Variants in COL5A1 observed in about 807,000 individuals in gnomAD.
COL5A1 encodes collagen type V alpha 1 chain, also known as collagen alpha-1(V) chain.
A neutral mutation model predicts 263.7 loss-of-function variants in COL5A1; 16 were observed. The observed-to-expected ratio is 0.06, with a 90% CI of 0.04 to 0.09. The LOEUF (loss-of-function observed/expected upper bound fraction) is 0.09, where lower values mean the gene tolerates loss of function less well. Ranked by LOEUF, COL5A1 falls within the 10% of genes least tolerant of loss-of-function variation. The pLI is 1.00. For synonymous variants in COL5A1, 1,012 were observed against 1,004.5 expected (o/e 1.01, Z -0.14); for missense variants, 2,036 against 2,540.5 (o/e 0.80, Z 4.27).
At chr9:134,679,203 A>C (rs542918554) in intron 1 of COL5A1, among the ~76,000 whole-genome samples, 1 of 151,622 alleles carries the variant, frequency 6.6e-6, no homozygotes, top group African/African-American at 2.4e-5. Flanking sequence ...GCCCTAACCT[A>C]CCACCCCGCA....
Position 134,744,483 on chromosome 9 carries a change from GCA to G in COL5A1, c.1494+5678_1494+5679del, listed in dbSNP as rs574465689. 2.5e-3 allele frequency among the ~76,000 whole-genome samples: 380 copies of G among 150,844 alleles called. 1 individual carries two copies. Among genetic ancestry groups the G allele is most frequent in the Middle Eastern group, 6.9e-3 (2 of 288 alleles). ...CTCACCTATACATACACGTATGCAT[GCA>G]CAGTCACCCACACCTGCACACACTC... On this transcript the variant is annotated intron_variant, in intron 11 of 65. Coordinates refer to ENST00000371817, the MANE Select transcript of COL5A1 (RefSeq NM_000093.5).
At chr9:134,813,239 G>A (rs1007958331) in intron 48 of COL5A1, among the ~76,000 whole-genome samples, 8 of 151,890 alleles carry the variant, frequency 5.3e-5, no homozygotes, top group Admixed American at 2.0e-4. Flanking sequence ...TGTGCACATC[G>A]GTGCATGTGT....
intron 44 of COL5A1, 155 bp downstream of exon 44, chr9:134,810,463 G>T (rs34469754): frequency 1.5e-6 from 1 of 680,892 alleles, no homozygotes; most frequent in East Asian, 2.7e-5. Context: ...TTCCCACAAC[G>T]TGTGTGTGTG....
intron 18 of COL5A1, among the ~76,000 whole-genome samples, chr9:134,760,841 C>T (rs1048590198): frequency 2.0e-5 from 3 of 148,816 alleles, no homozygotes; most frequent in Admixed American, 6.7e-5. Flanking sequence ...TGCACACATG[C>T]ATACACACAT....
At chr9:134,736,527 C>T (rs568071462) in intron 9 of COL5A1, among the ~76,000 whole-genome samples, 42 of 152,366 alleles carry the variant, frequency 2.8e-4, no homozygotes, top group East Asian at 1.7e-3. Flanking sequence ...CCTCTCAACA[C>T]GGTTGCATTG....
At chr9:134,816,320 C>T (rs1838743136) in intron 52 of COL5A1, among the ~76,000 whole-genome samples, 1 of 152,196 alleles carries the variant, frequency 6.6e-6, no homozygotes, top group Non-Finnish European at 1.5e-5. Flanking sequence ...AGGGCCAGTG[C>T]CTCTCCTCAC....
Position 134,827,858 on chromosome 9 carries a change from C to T in COL5A1, c.5067+1954C>T, listed in dbSNP as rs189457054. Among the ~76,000 whole-genome samples, 367 of 152,380 alleles carry T rather than the reference C, an allele frequency of 2.4e-3. 2 individuals carry two copies. Among genetic ancestry groups the T allele is most frequent in the African/African-American group, 8.3e-3 (347 of 41,594 alleles). The stretch of plus-strand genomic sequence containing the variant: ...CTCTTCCAGGAAGAAGCTGCCTTCA[C>T]GCCGCCTGGGCTTGGCATTGACAGT... On this transcript the variant is annotated intron_variant, in intron 63 of 65. Transcript: ENST00000371817.
At chr9:134,784,344 CAA>C (rs1837369883) in intron 29 of COL5A1, among the ~76,000 whole-genome samples, 1 of 152,242 alleles carries the variant, frequency 6.6e-6, no homozygotes, top group Non-Finnish European at 1.5e-5. Flanking sequence ...CATTGCTGGA[CAA>C]AGAGTGCCGG....
intron 1 of COL5A1, among the ~76,000 whole-genome samples, chr9:134,687,854 C>T (rs1047168860): frequency 6.6e-6 from 1 of 152,180 alleles, no homozygotes; most frequent in East Asian, 1.9e-4. Flanking sequence ...GCGGTGGCCA[C>T]TGTTGATTCT....
At chr9:134,683,114 C>G (rs949750023) in intron 1 of COL5A1, among the ~76,000 whole-genome samples, 9 of 152,210 alleles carry the variant, frequency 5.9e-5, no homozygotes, top group African/African-American at 2.2e-4. Context: ...GAGACGGTGA[C>G]AGCAGAGTGG....
At chr9:134,651,812 A>G (rs756609444) in intron 1 of COL5A1, among the ~76,000 whole-genome samples, 58 of 152,336 alleles carry the variant, frequency 3.8e-4, no homozygotes, top group Non-Finnish European at 7.2e-4. Context: ...TGTGTCCATC[A>G]GGGACATTCC....
intron 11 of COL5A1, among the ~76,000 whole-genome samples, chr9:134,745,704 C>A (rs1452934294): frequency 6.6e-6 from 1 of 152,158 alleles, no homozygotes; most frequent in Non-Finnish European, 1.5e-5. Flanking sequence ...GGGTTCATTT[C>A]TTTGGGATCC....
At chr9:134,693,351 C>T (rs1379577317) in intron 2 of COL5A1, among the ~76,000 whole-genome samples, 1 of 152,130 alleles carries the variant, frequency 6.6e-6, no homozygotes, top group Non-Finnish European at 1.5e-5. Flanking sequence ...ACAAAAAAAC[C>T]AACACATAAT....
In COL5A1 at chr9:134,818,887, C is replaced by G. The variant is rs773125713; in HGVS notation, c.4378C>G (p.Pro1460Ala). The G allele has an allele frequency of 6.2e-7, 1 of 1,611,766 alleles. No individual in the cohort carries two copies. Among genetic ancestry groups the G allele is most frequent in the Non-Finnish European group, 8.5e-7 (1 of 1,178,746 alleles). The change falls in exon 56 of 66, where the codon CCC becomes GCC. Residue 1460 changes from proline (P) to alanine (A), a missense_variant. By Grantham distance (27) the Pro-to-Ala change is conservative (BLOSUM62 -1). Around this residue, in one of 3 missense-constraint regions of COL5A1, gnomAD observed 1,078 missense variants for 1,521.4 expected, o/e 0.71. Coordinates refer to ENST00000371817, the MANE Select transcript of COL5A1 (RefSeq NM_000093.5). The surrounding 1 kb of genome is among the most constrained non-coding windows in gnomAD (Gnocchi z 6.0). ...GLPGSPGPDG[P>A]PGPMGPPGLP... is the part of the protein sequence containing the mutation. ...CCCAGGATCCCCAGGCCCGGACGGT[C>G]CCCCCGGCCCCATGGTGAGTCACAT...
chr9:134,789,346 C>G lies in COL5A1; in HGVS notation c.2700+138C>G, dbSNP rs1837590392. 1.3e-6 allele frequency: 1 copy of G among 742,198 alleles called. No homozygotes were observed. The highest frequency in any genetic ancestry group is 1.6e-5 in the South Asian group (1 of 63,954). The allele number at this position is 742,198 out of a possible 1,614,324, so 46.0% of individuals were successfully genotyped here. ...GCTCTCCTGAATGGCTGGCCTTAAGCTCTTGAACTTCAGCACCACGTGTTG... is the reference window on the plus strand; with the variant it reads ...GCTCTCCTGAATGGCTGGCCTTAAGGTCTTGAACTTCAGCACCACGTGTTG... On this transcript the variant is annotated intron_variant, in intron 32 of 65. Transcript: ENST00000371817. This position sits in a 1 kb window ranked among gnomAD's most constrained non-coding sequence, Gnocchi z 4.8.
chr9:134,745,016 C>T lies in COL5A1; in HGVS notation c.1495-5526C>T, dbSNP rs189555719. ...AGGCTGGTCTGCAGGCTTGTGTGCCCGAATCCCCAGCAGCCTGGTCGTGAA... is the reference window on the plus strand; with the variant it reads ...AGGCTGGTCTGCAGGCTTGTGTGCCTGAATCCCCAGCAGCCTGGTCGTGAA... On this transcript the variant is annotated intron_variant, in intron 11 of 65. Transcript: ENST00000371817. Among the ~76,000 whole-genome samples, 11 of 152,342 alleles carry T rather than the reference C, an allele frequency of 7.2e-5. No homozygotes were observed. The East Asian group carries it at 7.7e-4, about 11-fold the overall frequency.
chr9:134,802,218 C>G (rs1252831960), intron 38 of COL5A1, among the ~76,000 whole-genome samples: 1 of 152,214 alleles, frequency 6.6e-6, no homozygotes, highest in Non-Finnish European at 1.5e-5. Flanking sequence ...AAACCCAACA[C>G]GCAGGGCAAG....
chr9:134,811,204 A>G (rs1200802899), intron 44 of COL5A1, 135 bp from the exon 45 acceptor site: 3 of 831,528 alleles, frequency 3.6e-6, no homozygotes, highest in South Asian at 1.3e-5. Context: ...ATCGTGGTGC[A>G]AGGAACGACA....
intron 33 of COL5A1, 44 bp from the exon 34 acceptor site, chr9:134,795,218 G>A (rs765869113): frequency 1.2e-6 from 2 of 1,613,392 alleles, no homozygotes; most frequent in South Asian, 1.1e-5. Context: ...CAGTGTCTGT[G>A]TGTCGGGACT....
Sources: gnomAD v4.1 joint callset for allele counts (sites outside exome capture counted in the v4.1 genomes callset) on GRCh38, gnomAD v4.1.1 for gene constraint, gnomAD v4.1.1 regional missense constraint, Gnocchi (gnomAD v3.1) non-coding constraint, MANE v1.5 for transcripts, NCBI Gene and HGNC (gene_info 2026-07-23, HGNC 2026-07-21) for gene names.